The following CDC14B variants were observed in gnomAD, a reference collection of about 807,000 sequenced individuals.
CDC14B encodes cell division cycle 14B.
Under a neutral mutation model 64.2 loss-of-function variants are expected in CDC14B, and 22 were observed. The observed-to-expected ratio is 0.34, with a 90% CI of 0.24 to 0.49. The LOEUF is 0.49. CDC14B is among the 20% of genes least tolerant of loss of function. The pLI is 0.99. For missense variants in CDC14B, 498 were observed against 629.9 expected, an observed-to-expected ratio of 0.79 and a Z score of 2.24; for synonymous variants, 191 against 215.8, an observed-to-expected ratio of 0.89 and a Z score of 1.01.
At chr9:96,613,970 G>T (rs1847472716) in intron 1 of CDC14B, among the ~76,000 whole-genome samples, 1 of 152,108 alleles carries the variant, frequency 6.6e-6, no homozygotes, top group African/African-American at 2.4e-5. Flanking sequence ...AAAGGAAGGA[G>T]GGAGGAGACA....
intron 1 of CDC14B, among the ~76,000 whole-genome samples, chr9:96,612,579 C>T (rs1305021916): frequency 6.6e-6 from 1 of 152,222 alleles, no homozygotes; most frequent in Non-Finnish European, 1.5e-5. Context: ...GTCCTCATGC[C>T]TAGTGGCTAG....
At chr9:96,562,303 G>A (rs944112473) in intron 4 of CDC14B, among the ~76,000 whole-genome samples, 4 of 152,084 alleles carry the variant, frequency 2.6e-5, no homozygotes, top group African/African-American at 9.7e-5. Flanking sequence ...TTAATAGTGG[G>A]GTCCTGACCC....
At chr9:96,494,683 C>G (rs1833172671) in intron 13 of CDC14B, among the ~76,000 whole-genome samples, 2 of 152,138 alleles carry the variant, frequency 1.3e-5, no homozygotes, top group African/African-American at 4.8e-5. Context: ...GGAACCACTG[C>G]CATCTGAGCA....
intron 1 of CDC14B, among the ~76,000 whole-genome samples, chr9:96,601,313 A>G (rs1214578805): frequency 6.6e-6 from 1 of 152,156 alleles, no homozygotes; most frequent in Non-Finnish European, 1.5e-5. Flanking sequence ...CCTGGCCAAC[A>G]TGGTGAAACT....
chr9:96,589,961 A>C (rs1045378470), intron 1 of CDC14B, among the ~76,000 whole-genome samples: 2 of 140,522 alleles, frequency 1.4e-5, no homozygotes, highest in Non-Finnish European at 3.1e-5. Context: ...ACTCCATCTC[A>C]AAAAAAAAAA....
intron 12 of CDC14B, among the ~76,000 whole-genome samples, chr9:96,521,308 A>G (rs1384513804): frequency 6.6e-6 from 1 of 152,106 alleles, no homozygotes; most frequent in African/African-American, 2.4e-5. Flanking sequence ...TGAACTCCTG[A>G]CCTCAGGTGA....
At chr9:96,597,080 T>C (rs972320429) in intron 1 of CDC14B, among the ~76,000 whole-genome samples, 1 of 151,882 alleles carries the variant, frequency 6.6e-6, no homozygotes, top group Non-Finnish European at 1.5e-5. Flanking sequence ...CCAATGCACA[T>C]CATAAACTGT....
In CDC14B at chr9:96,502,787, C is replaced by T. The variant is rs1833668944; in HGVS notation, c.*966G>A. 1 of 397,750 alleles carries T rather than the reference C, an allele frequency of 2.5e-6. No homozygotes were observed. Among genetic ancestry groups the T allele is most frequent in the Non-Finnish European group, 4.4e-6 (1 of 225,760 alleles). 24.6% of individuals were successfully genotyped at this position (397,750 alleles called of 1,614,324 possible). ...TGAGATCGCAGGCCACGTCAATGGC[C>T]TTAGGTGGATCTCATAAGGGAAAAA... On this transcript the variant is annotated 3_prime_UTR_variant, in exon 14 of 14. Transcript: ENST00000375241.
At chr9:96,512,181 G>C (rs556023577) in intron 12 of CDC14B, among the ~76,000 whole-genome samples, 1 of 149,942 alleles carries the variant, frequency 6.7e-6, no homozygotes. Context: ...TTGTGTCACC[G>C]ATCTCCAGCC....
At chr9:96,607,246 G>A (rs1847011108) in intron 1 of CDC14B, among the ~76,000 whole-genome samples, 1 of 151,732 alleles carries the variant, frequency 6.6e-6, no homozygotes, top group Non-Finnish European at 1.5e-5. Flanking sequence ...ATAAATTTAA[G>A]CTCTAAAAAT....
intron 1 of CDC14B, among the ~76,000 whole-genome samples, chr9:96,596,112 C>G (rs1368164676): frequency 6.6e-6 from 1 of 151,686 alleles, no homozygotes; most frequent in Non-Finnish European, 1.5e-5. Flanking sequence ...ACCTGTAATC[C>G]CAGCACTTTG....
downstream of CDC14B, among the ~76,000 whole-genome samples, chr9:96,498,821 A>C (rs1718238979): frequency 6.6e-6 from 1 of 152,224 alleles, no homozygotes; most frequent in African/African-American, 2.4e-5. Flanking sequence ...AAGCAATGGA[A>C]GCAGAGGGGA....
intron 1 of CDC14B, among the ~76,000 whole-genome samples, chr9:96,576,343 T>C (rs541666586): frequency 1.3e-5 from 2 of 150,484 alleles, no homozygotes; most frequent in Admixed American, 6.6e-5. Flanking sequence ...TTTAAAGATA[T>C]ATAATCACCA....
At chr9:96,530,487 C>T (rs1002664728) in intron 9 of CDC14B, among the ~76,000 whole-genome samples, 2 of 150,204 alleles carry the variant, frequency 1.3e-5, no homozygotes, top group African/African-American at 2.5e-5. Flanking sequence ...ACCGTGTTGC[C>T]CAGGCTGGTC....
At chr9:96,565,193 T>C (rs1843739397) in intron 2 of CDC14B, among the ~76,000 whole-genome samples, 200 bp downstream of exon 2, 2 of 151,474 alleles carry the variant, frequency 1.3e-5, no homozygotes, top group South Asian at 4.1e-4. Flanking sequence ...AATATTAGAC[T>C]AGCAAATCTA....
chr9:96,550,295 A>G (rs1841611798), intron 5 of CDC14B, among the ~76,000 whole-genome samples: 1 of 152,226 alleles, frequency 6.6e-6, no homozygotes, highest in Non-Finnish European at 1.5e-5. Flanking sequence ...GTTCAAGCCA[A>G]TTCTAATTTG....
chr9:96,594,714 CAAA>C (rs11414625), intron 1 of CDC14B, among the ~76,000 whole-genome samples: 4 of 42,434 alleles, frequency 9.4e-5, no homozygotes, highest in Non-Finnish European at 1.3e-4. Context: ...AAGGCTGTCT[CAAA>C]AAAAAAAAAA....
At chr9:96,602,803 A>G (rs1212012939) in intron 1 of CDC14B, among the ~76,000 whole-genome samples, 1 of 152,142 alleles carries the variant, frequency 6.6e-6, no homozygotes, top group African/African-American at 2.4e-5. Flanking sequence ...TATTAGGATC[A>G]CTGATGATTT....
intron 1 of CDC14B, among the ~76,000 whole-genome samples, chr9:96,611,314 G>A (rs1414710612): frequency 6.6e-6 from 1 of 152,180 alleles, no homozygotes; most frequent in Non-Finnish European, 1.5e-5. Flanking sequence ...TGAAATAGTG[G>A]AAAGAAACAA....
Sources: gnomAD v4.1 joint callset for allele counts (sites outside exome capture counted in the v4.1 genomes callset) on GRCh38, gnomAD v4.1.1 for gene constraint, MANE v1.5 for transcripts, NCBI Gene and HGNC (gene_info 2026-07-23, HGNC 2026-07-21) for gene names.